Variants in CEP128 observed in about 807,000 individuals in gnomAD.
CEP128 encodes the protein centrosomal protein 128.
CEP128 carries 132 observed loss-of-function variants against 156.7 expected under a neutral mutation model. That is an observed-to-expected ratio of 0.84 (90% CI 0.73 to 0.97). CEP128 has a LOEUF of 0.97. Among genes scored for constraint, CEP128 ranks in the 50% least tolerant of loss-of-function variants. The pLI is 0.00. For synonymous variants in CEP128, 469 were observed against 448.9 expected, an observed-to-expected ratio of 1.04 and a Z score of -0.57; for missense variants, 1,252 against 1,281.9, an observed-to-expected ratio of 0.98 and a Z score of 0.36.
At chr14:80,761,318 ATT>A in intron 17 of CEP128, 117 bp downstream of exon 17, 1 of 737,046 alleles carries the variant, frequency 1.4e-6, no homozygotes, top group Non-Finnish European at 2.1e-6. Context: ...GCAAAATGTT[ATT>A]TTGTTTTATA....
chr14:80,906,416 G>A (rs1467188443), intron 4 of CEP128, among the ~76,000 whole-genome samples: 1 of 152,042 alleles, frequency 6.6e-6, no homozygotes, highest in Non-Finnish European at 1.5e-5. Context: ...AACATAACAA[G>A]GTCAACACAA....
At chr14:80,951,076 T>C (rs181443829) in intron 2 of CEP128, among the ~76,000 whole-genome samples, 19 of 152,224 alleles carry the variant, frequency 1.2e-4, no homozygotes, top group Non-Finnish European at 2.2e-4. Context: ...TATCCTTTTT[T>C]AAAAAGAAGA....
chr14:80,760,862 G>A (rs145923900), intron 17 of CEP128, among the ~76,000 whole-genome samples: 23 of 152,196 alleles, frequency 1.5e-4, no homozygotes, highest in Non-Finnish European at 3.2e-4. Context: ...CAGGGAAGGC[G>A]GATAACATAG....
chr14:80,485,265 C>T (rs769407294), intron 14 of CEP128, among the ~76,000 whole-genome samples: 20 of 152,068 alleles, frequency 1.3e-4, no homozygotes, highest in African/African-American at 1.9e-4. Flanking sequence ...AATCATTTTG[C>T]GGTTGTATGG....
At chr14:80,714,354 T>C (rs1314275441) in intron 19 of CEP128, among the ~76,000 whole-genome samples, 1 of 151,862 alleles carries the variant, frequency 6.6e-6, no homozygotes, top group Non-Finnish European at 1.5e-5. Context: ...ACTTTTCTCA[T>C]TTAGGGTATA....
chr14:80,547,316 T>G (rs1890027240), intron 21 of CEP128, among the ~76,000 whole-genome samples: 1 of 152,232 alleles, frequency 6.6e-6, no homozygotes, highest in Admixed American at 6.5e-5. Flanking sequence ...ATATGAGATT[T>G]GATTGCAAAT....
At chr14:80,866,090 C>A (rs1025284019) in intron 8 of CEP128, among the ~76,000 whole-genome samples, 1 of 152,100 alleles carries the variant, frequency 6.6e-6, no homozygotes, top group Admixed American at 6.5e-5. Context: ...AGGTCAGCCC[C>A]CACAGATGCA....
chr14:80,766,627 G>A (rs1166289998), intron 16 of CEP128, among the ~76,000 whole-genome samples: 1 of 152,066 alleles, frequency 6.6e-6, no homozygotes, highest in African/African-American at 2.4e-5. Flanking sequence ...GCTATTACAT[G>A]AAGTAAAAAC....
chr14:80,564,889 T>A (rs926336759), intron 20 of CEP128, among the ~76,000 whole-genome samples: 1 of 152,060 alleles, frequency 6.6e-6, no homozygotes, highest in South Asian at 2.1e-4. Context: ...CGAAACCCTG[T>A]CCCTACTAAA....
intron 19 of CEP128, among the ~76,000 whole-genome samples, chr14:80,593,800 C>T (rs1892193001): frequency 6.6e-6 from 1 of 152,024 alleles, no homozygotes; most frequent in Non-Finnish European, 1.5e-5. Flanking sequence ...GAACTACAAA[C>T]CACTGCTCAA....
rs887857482 is a variant in CEP128 at position 80,771,309 on chromosome 14, T to C, written c.2376+6573A>G. ...GCTGGCAATAAATAAAGGAGAAGAA[T>C]ACAAGGACTGTATGCTTATATCCTG... On this transcript the variant is annotated intron_variant, in intron 16 of 24. Coordinates refer to ENST00000555265, the MANE Select transcript of CEP128 (RefSeq NM_152446.5). Among the ~76,000 whole-genome samples, 3 of 152,286 alleles carry C rather than the reference T, an allele frequency of 2.0e-5. No homozygotes were observed. The East Asian group carries it at 5.8e-4, about 29-fold the overall frequency.
intron 19 of CEP128, among the ~76,000 whole-genome samples, chr14:80,700,626 C>G (rs192282749): frequency 8.3e-4 from 126 of 152,130 alleles, no homozygotes; most frequent in Non-Finnish European, 1.7e-3. Flanking sequence ...CGGGCTTAGT[C>G]CTAGTCATTC....
intron 10 of CEP128, 55 bp downstream of exon 10, chr14:80,840,627 A>G (rs1886304767): frequency 9.0e-7 from 1 of 1,116,050 alleles, no homozygotes; most frequent in Non-Finnish European, 1.4e-6. Flanking sequence ...CACTCAACAA[A>G]TACCATTGGC....
intron 19 of CEP128, among the ~76,000 whole-genome samples, chr14:80,697,927 C>A (rs567615126): frequency 1.3e-5 from 2 of 151,566 alleles, no homozygotes; most frequent in African/African-American, 2.4e-5. Flanking sequence ...ATATATAAAC[C>A]AGCTTATAAG....
chr14:80,670,786 A>C (rs1035091770), intron 19 of CEP128, among the ~76,000 whole-genome samples: 1 of 152,190 alleles, frequency 6.6e-6, no homozygotes, highest in African/African-American at 2.4e-5. Context: ...AATTTACATA[A>C]ATTTACATAA....
At chr14:80,842,329 T>C (rs2140088727) in intron 9 of CEP128, among the ~76,000 whole-genome samples, 1 of 152,138 alleles carries the variant, frequency 6.6e-6, no homozygotes, top group South Asian at 2.1e-4. Context: ...CACTATATCA[T>C]CTAGAAATGC....
intron 20 of CEP128, among the ~76,000 whole-genome samples, chr14:80,573,779 T>C (rs1298939914): frequency 6.6e-6 from 1 of 152,210 alleles, no homozygotes; most frequent in Non-Finnish European, 1.5e-5. Context: ...GTACCAAATT[T>C]AAGGTTGGTA....
chr14:80,931,783 C>T (rs1356159231), intron 2 of CEP128, among the ~76,000 whole-genome samples: 1 of 152,212 alleles, frequency 6.6e-6, no homozygotes, highest in African/African-American at 2.4e-5. Flanking sequence ...AACCAGTGAA[C>T]ATTGGGATTT....
intron 19 of CEP128, among the ~76,000 whole-genome samples, chr14:80,679,064 C>G (rs1045600851): frequency 2.0e-5 from 3 of 152,060 alleles, no homozygotes; most frequent in Admixed American, 6.5e-5. Flanking sequence ...TTTCTTACAC[C>G]TGCCTTATTT....
Sources: gnomAD v4.1 joint callset for allele counts (sites outside exome capture counted in the v4.1 genomes callset) on GRCh38, gnomAD v4.1.1 for gene constraint, MANE v1.5 for transcripts, NCBI Gene and HGNC (gene_info 2026-07-23, HGNC 2026-07-21) for gene names.